The following CD226 variants were observed in gnomAD, a reference collection of about 807,000 sequenced individuals.
CD226 encodes CD226 molecule.
A neutral mutation model predicts 34.9 loss-of-function variants in CD226; 24 were observed. That is an observed-to-expected ratio of 0.69 (90% CI 0.50 to 0.97). The LOEUF (loss-of-function observed/expected upper bound fraction) is 0.97, where lower values mean the gene tolerates loss of function less well. Ranked by LOEUF, CD226 falls within the 50% of genes least tolerant of loss-of-function variation. CD226 has a pLI of 0.00. For synonymous variants in CD226, 148 were observed against 147.4 expected (o/e 1.00, Z -0.03); for missense variants, 397 against 412.7 (o/e 0.96, Z 0.33).
chr18:69,920,743 T>C (rs2055441321), intron 2 of CD226, among the ~76,000 whole-genome samples: 1 of 152,218 alleles, frequency 6.6e-6, no homozygotes, highest in Non-Finnish European at 1.5e-5. Flanking sequence ...ATTATGACTC[T>C]CATTTTAAAG....
At chr18:69,924,060 T>C (rs865828924) in intron 2 of CD226, among the ~76,000 whole-genome samples, 6 of 151,710 alleles carry the variant, frequency 4.0e-5, no homozygotes, top group South Asian at 4.2e-4. Flanking sequence ...CATATCTAAA[T>C]AGCAACTGCC....
Position 69,861,052 on chromosome 18 carries a change from T to C in CD226, c.*3262A>G, listed in dbSNP as rs1982787421. 1 of 152,132 alleles carries C rather than the reference T, an allele frequency of 6.6e-6. No individual in the cohort carries two copies. The highest frequency in any genetic ancestry group is 2.1e-4 in the South Asian group (1 of 4,832). 9.4% of individuals were successfully genotyped at this position (152,132 alleles called of 1,614,324 possible). A position where few individuals can be genotyped will look rare whatever the true frequency, so the allele number is the denominator to read the frequency against. ...GTAATTTTTACTTAATGCCATTCTA[T>C]ACAAACCAATATAACTTGGATGTTC... On this transcript the variant is annotated 3_prime_UTR_variant, in exon 6 of 6. Coordinates refer to ENST00000582621, the MANE Select transcript of CD226 (RefSeq NM_001303618.2).
At chr18:69,935,159 T>C (rs1263131050) in intron 2 of CD226, among the ~76,000 whole-genome samples, 1 of 152,262 alleles carries the variant, frequency 6.6e-6, no homozygotes, top group African/African-American at 2.4e-5. Flanking sequence ...GCTTTTGGAC[T>C]TTCTTCAGTT....
intron 2 of CD226, among the ~76,000 whole-genome samples, chr18:69,935,241 A>G: frequency 6.6e-6 from 1 of 152,326 alleles, no homozygotes; most frequent in African/African-American, 2.4e-5. Context: ...TGCAATTTAT[A>G]ATGTTACTTT....
chr18:69,907,860 C>T (rs1363024936), intron 2 of CD226, among the ~76,000 whole-genome samples: 1 of 152,022 alleles, frequency 6.6e-6, no homozygotes, highest in Non-Finnish European at 1.5e-5. Context: ...CAAATATTCT[C>T]ACCACAAAAA....
chr18:69,902,203 TTCTC>T (rs1228544914), intron 2 of CD226, among the ~76,000 whole-genome samples: 1 of 152,106 alleles, frequency 6.6e-6, no homozygotes, highest in Non-Finnish European at 1.5e-5. Context: ...AAGTGGACTG[TTCTC>T]TCTCTCACCT....
chr18:69,931,248 G>C (rs984742706), intron 2 of CD226, among the ~76,000 whole-genome samples: 1 of 152,024 alleles, frequency 6.6e-6, no homozygotes, highest in Non-Finnish European at 1.5e-5. Context: ...GGGGAGAGGG[G>C]GGAGGGATAG....
intron 2 of CD226, among the ~76,000 whole-genome samples, chr18:69,924,365 C>T (rs553501119): frequency 6.6e-6 from 1 of 152,068 alleles, no homozygotes; most frequent in South Asian, 2.1e-4. Flanking sequence ...ATACAATATG[C>T]ACTTTGAATC....
intron 2 of CD226, among the ~76,000 whole-genome samples, chr18:69,918,368 C>T (rs1039823329): frequency 6.6e-6 from 1 of 152,064 alleles, no homozygotes; most frequent in Non-Finnish European, 1.5e-5. Flanking sequence ...GCCTGGCCAA[C>T]ATCATGAAAC....
At chr18:69,937,917 C>T (rs1443156001) in intron 2 of CD226, among the ~76,000 whole-genome samples, 1 of 152,144 alleles carries the variant, frequency 6.6e-6, no homozygotes, top group Non-Finnish European at 1.5e-5. Context: ...GTGCCACTAA[C>T]CAGCAGATAT....
intron 2 of CD226, among the ~76,000 whole-genome samples, chr18:69,923,055 C>T (rs1399925559): frequency 6.6e-6 from 1 of 151,980 alleles, no homozygotes; most frequent in African/African-American, 2.4e-5. Context: ...ATGGCTTGAA[C>T]CCAAGAGGCA....
chr18:69,896,145 C>T (rs1985278477), intron 2 of CD226, 100 bp from the exon 3 acceptor site: 4 of 1,461,120 alleles, frequency 2.7e-6, no homozygotes, highest in Non-Finnish European at 3.6e-6. Context: ...TGTTACCTAA[C>T]ACAGTTCTTC....
chr18:69,915,400 C>A (rs898028237), intron 2 of CD226, among the ~76,000 whole-genome samples: 1 of 152,128 alleles, frequency 6.6e-6, no homozygotes, highest in Non-Finnish European at 1.5e-5. Context: ...CATCTAACAG[C>A]CCCATTAAAA....
upstream of CD226, among the ~76,000 whole-genome samples, chr18:69,950,642 G>C (rs749340349): frequency 9.9e-5 from 15 of 152,098 alleles, no homozygotes; most frequent in Admixed American, 2.0e-4. Flanking sequence ...TAGGAGAGCA[G>C]GTGCACAAAG....
At chr18:69,868,178 G>A (rs1262514145) in intron 4 of CD226, among the ~76,000 whole-genome samples, 2 of 152,200 alleles carry the variant, frequency 1.3e-5, no homozygotes, top group Non-Finnish European at 2.9e-5. Context: ...TACTGTAACT[G>A]AATGCAAGAG....
intron 2 of CD226, among the ~76,000 whole-genome samples, chr18:69,945,009 T>C (rs919165975): frequency 7.2e-5 from 11 of 152,234 alleles, no homozygotes; most frequent in Admixed American, 1.3e-4. Flanking sequence ...AATTCTGTAC[T>C]TGTTCTTTTA....
upstream of CD226, among the ~76,000 whole-genome samples, chr18:69,949,402 C>A (rs1163817528): frequency 1.3e-5 from 2 of 152,168 alleles, no homozygotes; most frequent in Non-Finnish European, 2.9e-5. Context: ...AAATTAATTT[C>A]ATCTATTATG....
At chr18:69,929,720 C>T (rs747029539) in intron 2 of CD226, among the ~76,000 whole-genome samples, 10 of 152,168 alleles carry the variant, frequency 6.6e-5, no homozygotes, top group Non-Finnish European at 7.3e-5. Flanking sequence ...TAAACCTAAA[C>T]GATTCAACCC....
At chr18:69,886,697 A>G (rs2145220486) in intron 3 of CD226, among the ~76,000 whole-genome samples, 1 of 148,926 alleles carries the variant, frequency 6.7e-6, no homozygotes, top group African/African-American at 2.5e-5. Context: ...CAGAGTGAGA[A>G]CCTGTCTCAA....
Sources: allele counts gnomAD v4.1 joint callset (sites outside exome capture counted in the v4.1 genomes callset), GRCh38; gene constraint gnomAD v4.1.1; transcripts MANE v1.5; gene names NCBI Gene and HGNC (gene_info 2026-07-23, HGNC 2026-07-21).